PEMT: variants seen among roughly 807,000 people sequenced by gnomAD.
PEMT encodes phosphatidylethanolamine N-methyltransferase.
Under a neutral mutation model 27.4 loss-of-function variants are expected in PEMT, and 23 were observed. The observed-to-expected ratio is 0.84, with a 90% CI of 0.60 to 1.19. The LOEUF (loss-of-function observed/expected upper bound fraction) is 1.19. Ranked by LOEUF, PEMT falls within the 50% of genes most tolerant of loss-of-function variation. The pLI, the probability that PEMT is intolerant of heterozygous loss-of-function variation, is 0.00. For synonymous variants in PEMT, 137 were observed against 139.1 expected (o/e 0.98, Z 0.11); for missense variants, 307 against 310.1 (o/e 0.99, Z 0.07).
intron 2 of PEMT, among the ~76,000 whole-genome samples, chr17:17,562,951 A>G (rs1173676738): frequency 6.7e-6 from 1 of 148,372 alleles, no homozygotes; most frequent in East Asian, 1.9e-4. Flanking sequence ...AGGAACCTGC[A>G]TGCAGCCATC....
chr17:17,516,090 C>T (rs1019816135), intron 3 of PEMT, among the ~76,000 whole-genome samples: 2 of 152,114 alleles, frequency 1.3e-5, no homozygotes, highest in Non-Finnish European at 2.9e-5. Context: ...GAAACACTTC[C>T]CTGACTTTGA....
rs148931455 is a variant in PEMT at position 17,514,805 on chromosome 17, G to A, written c.321-2151C>T. Among the ~76,000 whole-genome samples the A allele has an allele frequency of 2.0e-5, 3 of 152,368 alleles. No homozygotes were observed. In the East Asian group the frequency reaches 5.8e-4, roughly 29 times the overall value. On this transcript the variant is annotated intron_variant, in intron 3 of 6. Coordinates refer to ENST00000255389, the MANE Select transcript of PEMT (RefSeq NM_148172.3). Reference sequence around the variant, plus strand: ...GAGTGGGAGGGAAAGGAAGGGTGCCGGCCCTGCTCAGGAGCATGGCTCCCC... The same window carrying A: ...GAGTGGGAGGGAAAGGAAGGGTGCCAGCCCTGCTCAGGAGCATGGCTCCCC...
At chr17:17,516,880 C>A (rs70963024) in intron 3 of PEMT, among the ~76,000 whole-genome samples, 4,823 of 152,298 alleles carry the variant, frequency 0.032, 241 homozygotes, top group African/African-American at 0.11. Context: ...GGACCCCGCC[C>A]AGTGGCTACC....
chr17:17,508,879 G>C, intron 5 of PEMT: 1 of 383,188 alleles, frequency 2.6e-6, no homozygotes, highest in Non-Finnish European at 5.4e-6. Flanking sequence ...AGCTGCGGGT[G>C]AGCTGGGCCC....
chr17:17,568,528 G>A (rs1180982808), intron 2 of PEMT, among the ~76,000 whole-genome samples: 1 of 152,198 alleles, frequency 6.6e-6, no homozygotes, highest in Non-Finnish European at 1.5e-5. Flanking sequence ...GAGCTAGATG[G>A]GGCCTCAGCT....
chr17:17,551,247 CA>C (rs1463406468), intron 2 of PEMT, among the ~76,000 whole-genome samples: 1 of 152,202 alleles, frequency 6.6e-6, no homozygotes, highest in Non-Finnish European at 1.5e-5. Flanking sequence ...GAAAGGGGTT[CA>C]GGGGAAAGGG....
chr17:17,540,419 C>G (rs1597907155), intron 2 of PEMT, among the ~76,000 whole-genome samples: 1 of 152,316 alleles, frequency 6.6e-6, no homozygotes, highest in South Asian at 2.1e-4. Flanking sequence ...GGTGGCCAGC[C>G]AGCATGAGTT....
chr17:17,506,303 T>A lies in PEMT; in HGVS notation c.579-2A>T. 1.9e-6 allele frequency: 3 copies of A among 1,571,370 alleles called. No homozygotes were observed. Among genetic ancestry groups the A allele is most frequent in the Non-Finnish European group, 2.6e-6 (3 of 1,157,398 alleles). On this transcript the variant is annotated splice_acceptor_variant, in intron 5 of 6. Coordinates refer to ENST00000255389, the MANE Select transcript of PEMT (RefSeq NM_148172.3). LOFTEE classifies it high-confidence loss of function. ...AGCAGGCCCGTGGGGCTGGCGTGCC[T>A]GAAAGGACAGAGGCAGGTCAGGCCT...
intron 2 of PEMT, among the ~76,000 whole-genome samples, chr17:17,558,163 G>A (rs569784704): frequency 9.9e-5 from 15 of 151,960 alleles, no homozygotes; most frequent in African/African-American, 3.4e-4. Context: ...GCAACATGGC[G>A]AGACTCCCGT....
chr17:17,565,661 C>T (rs1910781128), intron 2 of PEMT, among the ~76,000 whole-genome samples: 2 of 152,272 alleles, frequency 1.3e-5, no homozygotes, highest in African/African-American at 2.4e-5. Flanking sequence ...CTGTGTGGCC[C>T]TGTGGCATTG....
chr17:17,561,938 G>A lies in PEMT; in HGVS notation c.204+14982C>T, dbSNP rs551179731. On this transcript the variant is annotated intron_variant, in intron 2 of 6. Coordinates refer to ENST00000255389, the MANE Select transcript of PEMT (RefSeq NM_148172.3). The surrounding 1 kb of genome is among the most constrained non-coding windows in gnomAD (Gnocchi z 4.5). ...GAAGCTGGGCTGTTGCGAAGTTGGC[G>A]CAGGGCATGTGAGGGCACCCCAGGC... Among the ~76,000 whole-genome samples the A allele has an allele frequency of 4.3e-4, 65 of 152,308 alleles. 1 individual carries two copies. The highest frequency in any genetic ancestry group is 1.6e-3 in the Admixed American group (24 of 15,308).
intron 2 of PEMT, among the ~76,000 whole-genome samples, chr17:17,569,345 G>A (rs751715114): frequency 2.0e-5 from 3 of 152,190 alleles, no homozygotes; most frequent in Non-Finnish European, 4.4e-5. Flanking sequence ...TGGAGCGAGA[G>A]GTCTTGGGCA....
intron 1 of PEMT, among the ~76,000 whole-genome samples, chr17:17,587,052 G>A (rs1417401577): frequency 2.0e-5 from 3 of 151,860 alleles, no homozygotes; most frequent in Non-Finnish European, 4.4e-5. Context: ...TAAACCCAAA[G>A]GAGGCAGGAC....
In PEMT at chr17:17,535,745, T is replaced by C. The variant is rs988349967; in HGVS notation, c.205-13350A>G. 5.3e-5 allele frequency among the ~76,000 whole-genome samples: 8 copies of C among 152,232 alleles called. No homozygotes were observed. In the South Asian group the frequency reaches 1.0e-3, roughly 20 times the overall value. On this transcript the variant is annotated intron_variant, in intron 2 of 6. Coordinates refer to ENST00000255389, the MANE Select transcript of PEMT (RefSeq NM_148172.3). The stretch of plus-strand genomic sequence containing the variant: ...GGGCAGAAGACAGATGAAACAAGAA[T>C]GACATATTGTGAGAGAATTCTTGAA...
At chr17:17,524,836 G>A (rs1398431811) in intron 2 of PEMT, among the ~76,000 whole-genome samples, 9 of 152,134 alleles carry the variant, frequency 5.9e-5, no homozygotes, top group African/African-American at 1.9e-4. Flanking sequence ...CCAGCTGGGC[G>A]TGGTGGCTCA....
intron 2 of PEMT, among the ~76,000 whole-genome samples, chr17:17,570,202 T>C (rs562340539): frequency 6.6e-6 from 1 of 152,312 alleles, no homozygotes; most frequent in East Asian, 1.9e-4. Context: ...AGGCAGCAGC[T>C]GCCACCCGGA....
At chr17:17,556,890 C>T (rs940118945) in intron 2 of PEMT, among the ~76,000 whole-genome samples, 10 of 152,120 alleles carry the variant, frequency 6.6e-5, no homozygotes, top group African/African-American at 2.4e-4. Flanking sequence ...GTGCTGTGGC[C>T]CACTGCCTCT....
At chr17:17,591,451 G>A in intron 1 of PEMT, 80 bp downstream of exon 1, 1 of 1,156,290 alleles carries the variant, frequency 8.6e-7, no homozygotes, top group South Asian at 1.5e-5. Context: ...CGCAGCGTTT[G>A]AGGCGCCGCA....
chr17:17,586,938 G>A (rs1177642906), intron 1 of PEMT, among the ~76,000 whole-genome samples: 2 of 152,144 alleles, frequency 1.3e-5, no homozygotes, highest in Non-Finnish European at 1.5e-5. Context: ...GGGAGACGGA[G>A]GTTGCAGTGA....
Sources: allele counts gnomAD v4.1 joint callset (sites outside exome capture counted in the v4.1 genomes callset), GRCh38; gene constraint gnomAD v4.1.1; non-coding constraint Gnocchi (gnomAD v3.1); transcripts MANE v1.5; gene names NCBI Gene and HGNC (gene_info 2026-07-23, HGNC 2026-07-21).